CCNY: variants seen among roughly 807,000 people sequenced by gnomAD.
CCNY encodes cyclin-Y.
CCNY carries 19 observed loss-of-function variants against 42.8 expected under a neutral mutation model. The ratio of observed to expected loss-of-function variants is 0.44; its 90% confidence interval spans 0.31 to 0.65. CCNY has a LOEUF of 0.65. Among genes scored for constraint, CCNY ranks in the 30% least tolerant of loss-of-function variants. The probability of loss-of-function intolerance (pLI) is 0.07; values close to 1 mark genes in which losing one functional copy is unlikely to be tolerated. For missense variants in CCNY, 370 were observed against 437.3 expected (o/e 0.85, Z 1.37); for synonymous variants, 165 against 162.7 (o/e 1.01, Z -0.11).
chr10:35,503,235 T>C (rs914453815), intron 3 of CCNY, among the ~76,000 whole-genome samples: 3 of 152,206 alleles, frequency 2.0e-5, no homozygotes, highest in African/African-American at 7.2e-5. Flanking sequence ...CAGTATCTTC[T>C]AACGCCCAGC....
rs541673247 is a variant in CCNY, at chr10:35,506,044, C to T, written c.264+4509C>T. The stretch of plus-strand genomic sequence containing the variant: ...AAAAGTCAAGTAATACAGTGAGCTA[C>T]ATCTAGGAACTGAAATTTAAAACAT... On this transcript the variant is annotated intron_variant, in intron 3 of 9. Coordinates refer to ENST00000374704, the MANE Select transcript of CCNY (RefSeq NM_145012.6). Among the ~76,000 whole-genome samples the T allele has an allele frequency of 2.0e-5, 3 of 152,342 alleles. No individual in the cohort carries two copies. In the East Asian group the frequency reaches 5.8e-4, roughly 29 times the overall value.
intron 7 of CCNY, among the ~76,000 whole-genome samples, chr10:35,544,398 A>G (rs1365967649): frequency 6.6e-6 from 1 of 152,198 alleles, no homozygotes; most frequent in Non-Finnish European, 1.5e-5. Flanking sequence ...TGTGCTATAC[A>G]GGTTTGCAGT....
chr10:35,554,939 C>T (rs1841333251), intron 8 of CCNY, among the ~76,000 whole-genome samples: 2 of 152,142 alleles, frequency 1.3e-5, no homozygotes, highest in South Asian at 4.1e-4. Context: ...CCTTAACCCA[C>T]CAGGTTTAAT....
intron 3 of CCNY, among the ~76,000 whole-genome samples, chr10:35,264,601 A>C (rs1486431686): frequency 6.6e-6 from 1 of 151,862 alleles, no homozygotes; most frequent in African/African-American, 2.4e-5. Flanking sequence ...TTTGTTGGCC[A>C]CATGTATATC....
At chr10:35,257,804 A>G (rs1028744027) in intron 3 of CCNY, among the ~76,000 whole-genome samples, 1 of 152,138 alleles carries the variant, frequency 6.6e-6, no homozygotes, top group Non-Finnish European at 1.5e-5. Context: ...GTTTTCAGCC[A>G]TTACTTCTTT....
chr10:35,275,900 G>A (rs1383685828), intron 3 of CCNY, among the ~76,000 whole-genome samples: 1 of 152,228 alleles, frequency 6.6e-6, no homozygotes, highest in Non-Finnish European at 1.5e-5. Flanking sequence ...AGCAGGGAAG[G>A]CATGGTGATG....
chr10:35,509,401 G>T (rs1427355522), intron 3 of CCNY, among the ~76,000 whole-genome samples: 1 of 152,048 alleles, frequency 6.6e-6, no homozygotes, highest in Non-Finnish European at 1.5e-5. Context: ...TCAGCCTCCT[G>T]AGTAGCTGGG....
chr10:35,309,743 A>AT (rs1564364888), intron 3 of CCNY, among the ~76,000 whole-genome samples: 1 of 151,940 alleles, frequency 6.6e-6, no homozygotes, highest in Admixed American at 6.6e-5. Context: ...TTAAAAACTA[A>AT]TTTTTTATTG....
At chr10:35,430,572 T>G (rs1315863513) in intron 1 of CCNY, among the ~76,000 whole-genome samples, 6 of 152,118 alleles carry the variant, frequency 3.9e-5, no homozygotes, top group African/African-American at 7.2e-5. Flanking sequence ...AGAAATAGAT[T>G]AACCACATAA....
chr10:35,550,627 T>TAA (rs1841234441), intron 7 of CCNY, among the ~76,000 whole-genome samples: 1 of 152,192 alleles, frequency 6.6e-6, no homozygotes, highest in African/African-American at 2.4e-5. Context: ...AATGTTTTCT[T>TAA]GTGCAAGAGG....
chr10:35,435,775 C>G (rs1329283967), intron 1 of CCNY, among the ~76,000 whole-genome samples: 1 of 152,188 alleles, frequency 6.6e-6, no homozygotes, highest in Non-Finnish European at 1.5e-5. Context: ...TTAAATCTCT[C>G]TGGGCCTCAG....
At chr10:35,539,485 T>C (rs1390187644) in intron 7 of CCNY, among the ~76,000 whole-genome samples, 1 of 152,314 alleles carries the variant, frequency 6.6e-6, no homozygotes, top group East Asian at 1.9e-4. Context: ...CTGACACTTC[T>C]TTTGTTAAAT....
chr10:35,363,188 C>T (rs777134881), intron 1 of CCNY, among the ~76,000 whole-genome samples: 1 of 146,740 alleles, frequency 6.8e-6, no homozygotes, highest in Non-Finnish European at 1.5e-5. Flanking sequence ...CCCGACGGGG[C>T]GGCAGCTGGG....
rs1480857824 is a variant in CCNY at position 35,337,207 on chromosome 10, G to T, written c.154G>T (p.Asp52Tyr). 5.8e-5 allele frequency: 89 copies of T among 1,538,624 alleles called. No homozygotes were observed. Among genetic ancestry groups the T allele is most frequent in the Non-Finnish European group, 7.5e-5 (86 of 1,141,900 alleles). Reference protein sequence around the residue: ...QHISDRENIDDLNMEFNPSDH... With the variant: ...QHISDRENIDYLNMEFNPSDH... Reference sequence around the variant, plus strand: ...CATCAGCGACCGGGAGAACATAGACGGTGAGTGCGGCCCGCCGAGCCCCCT... The same window carrying T: ...CATCAGCGACCGGGAGAACATAGACTGTGAGTGCGGCCCGCCGAGCCCCCT... The change falls in exon 1 of 10, where the codon GAT becomes TAT. Residue 52 changes from aspartate (D) to tyrosine (Y), a missense_variant and splice_region_variant. Around this residue, in one of 2 missense-constraint regions of CCNY, gnomAD observed 136 missense variants for 124.2 expected, o/e 1.09. Coordinates refer to ENST00000374704, the MANE Select transcript of CCNY (RefSeq NM_145012.6).
At chr10:35,517,156 A>T (rs1381353302) in intron 4 of CCNY, among the ~76,000 whole-genome samples, 1 of 152,074 alleles carries the variant, frequency 6.6e-6, no homozygotes, top group Non-Finnish European at 1.5e-5. Flanking sequence ...CGTGGGTGGG[A>T]TCCTTTCTGT....
At chr10:35,473,572 G>A (rs1251102837) in intron 1 of CCNY, among the ~76,000 whole-genome samples, 3 of 152,044 alleles carry the variant, frequency 2.0e-5, no homozygotes, top group Admixed American at 1.3e-4. Flanking sequence ...TTTTGGGGTG[G>A]ATTGAGGGAG....
At chr10:35,261,183 CA>C (rs2095719274) in intron 3 of CCNY, among the ~76,000 whole-genome samples, 1 of 149,950 alleles carries the variant, frequency 6.7e-6, no homozygotes, top group African/African-American at 2.5e-5. Context: ...TTGAGGTCAG[CA>C]GTTTGAGACC....
intron 3 of CCNY, among the ~76,000 whole-genome samples, chr10:35,507,591 C>T (rs536337403): frequency 1.3e-5 from 2 of 152,322 alleles, no homozygotes; most frequent in East Asian, 1.9e-4. Flanking sequence ...TATGTTTCTT[C>T]TAATTAACTG....
intron 3 of CCNY, among the ~76,000 whole-genome samples, chr10:35,253,841 T>G (rs1257149379): frequency 6.6e-6 from 1 of 151,824 alleles, no homozygotes; most frequent in Non-Finnish European, 1.5e-5. Context: ...GCTATTGATG[T>G]TGCTCTCAAT....
Sources: allele counts gnomAD v4.1 joint callset (sites outside exome capture counted in the v4.1 genomes callset), GRCh38; gene constraint gnomAD v4.1.1; regional missense constraint gnomAD v4.1.1; transcripts MANE v1.5; gene names NCBI Gene and HGNC (gene_info 2026-07-23, HGNC 2026-07-21).